Variants in C9orf85 observed in about 807,000 individuals in gnomAD.
C9orf85 encodes the protein chromosome 9 open reading frame 85.
A neutral mutation model predicts 14.9 loss-of-function variants in C9orf85; 16 were observed. The ratio of observed to expected loss-of-function variants is 1.08; its 90% CI spans 0.73 to 1.63. The LOEUF is 1.63. Among genes scored for constraint, C9orf85 ranks in the 40% most tolerant of loss-of-function variants. The pLI is 0.00. For missense variants in C9orf85, 172 were observed against 186.1 expected (o/e 0.92, Z 0.44); for synonymous variants, 45 against 56.8 (o/e 0.79, Z 0.93).
At chr9:71,946,412 TTACA>T (rs1232429592) in intron 1 of C9orf85, among the ~76,000 whole-genome samples, 1 of 152,204 alleles carries the variant, frequency 6.6e-6, no homozygotes, top group Non-Finnish European at 1.5e-5. Flanking sequence ...GAGATATAAC[TTACA>T]TACTATGAAA....
downstream of C9orf85, among the ~76,000 whole-genome samples, chr9:71,975,551 C>T (rs1189217154): frequency 2.6e-5 from 4 of 151,118 alleles, no homozygotes; most frequent in African/African-American, 7.3e-5. Context: ...TGTTCTGTCC[C>T]GCTGGGCGTG....
intron 3 of C9orf85, among the ~76,000 whole-genome samples, chr9:71,971,975 CAA>C (rs1280978130): frequency 1.1e-4 from 6 of 53,278 alleles, no homozygotes; most frequent in South Asian, 6.5e-4. Flanking sequence ...GACTCCATCT[CAA>C]AAAAAAAAAA....
rs192616724 is a variant in C9orf85 at position 71,933,564 on chromosome 9, A to T, written c.103-13442A>T. ...AACCACTCTACAACTTCTCTTTGGCATATCTGAATCGCTAGACTGCTCTTG... is the reference window on the plus strand; with the variant it reads ...AACCACTCTACAACTTCTCTTTGGCTTATCTGAATCGCTAGACTGCTCTTG... On this transcript the variant is annotated intron_variant, in intron 1 of 3. Coordinates refer to ENST00000334731, the MANE Select transcript of C9orf85 (RefSeq NM_182505.5). 5.3e-5 allele frequency among the ~76,000 whole-genome samples: 8 copies of T among 152,308 alleles called. No homozygotes were observed. The East Asian group carries it at 1.5e-3, about 29-fold the overall frequency.
intron 2 of C9orf85, among the ~76,000 whole-genome samples, chr9:71,969,567 TTTTA>T (rs1406016765): frequency 2.2e-4 from 33 of 152,334 alleles, no homozygotes; most frequent in African/African-American, 7.0e-4. Context: ...GCTGCATTGA[TTTTA>T]TTTTTCTGTT....
At chr9:71,955,150 T>C (rs1184003700) in intron 2 of C9orf85, among the ~76,000 whole-genome samples, 7 of 152,106 alleles carry the variant, frequency 4.6e-5, no homozygotes, top group Non-Finnish European at 1.5e-5. Flanking sequence ...ATGGTTAAAT[T>C]CATGATAGTT....
At chr9:71,928,297 A>G (rs970706006) in intron 1 of C9orf85, among the ~76,000 whole-genome samples, 2 of 151,958 alleles carry the variant, frequency 1.3e-5, no homozygotes, top group African/African-American at 4.8e-5. Context: ...AAATTTTTCT[A>G]AAAGCTCACT....
Position 71,972,675 on chromosome 9 carries a change from T to C in C9orf85, c.324-17T>C, listed in dbSNP as rs1328943820. 1.3e-6 allele frequency: 2 copies of C among 1,524,966 alleles called. No individual in the cohort carries two copies. Among genetic ancestry groups the C allele is most frequent in the African/African-American group, 2.8e-5 (2 of 71,664 alleles). The allele number at this position is 1,524,966 out of a possible 1,614,324, so 94.5% of individuals were successfully genotyped here. On this transcript the variant is annotated splice_polypyrimidine_tract_variant and intron_variant, in intron 3 of 3. Coordinates refer to ENST00000334731, the MANE Select transcript of C9orf85 (RefSeq NM_182505.5). ...ATAGCCTGGGAAATAAATAGAAATT[T>C]TTTCTTTCATCTTTAGGTTGAATAA...
chr9:71,942,833 A>C (rs954629655), intron 1 of C9orf85, among the ~76,000 whole-genome samples: 19 of 151,520 alleles, frequency 1.3e-4, no homozygotes, highest in African/African-American at 4.6e-4. Flanking sequence ...AACCTGGGAG[A>C]CAGAGGTTGC....
intron 3 of C9orf85, among the ~76,000 whole-genome samples, chr9:71,972,460 C>T (rs1449930056): frequency 1.3e-5 from 2 of 152,094 alleles, no homozygotes; most frequent in African/African-American, 4.8e-5. Context: ...GGTTTTGCCA[C>T]GTTGGCCAGG....
At chr9:71,946,664 G>A (rs541653751) in intron 1 of C9orf85, among the ~76,000 whole-genome samples, 10 of 151,860 alleles carry the variant, frequency 6.6e-5, no homozygotes, top group Middle Eastern at 3.2e-3. Context: ...ATGGTGGCAC[G>A]CGCCTGTAAT....
chr9:71,957,108 C>T (rs1421055982), intron 2 of C9orf85, among the ~76,000 whole-genome samples: 2 of 151,966 alleles, frequency 1.3e-5, no homozygotes, highest in African/African-American at 2.4e-5. Context: ...GCTACAGCAC[C>T]GGCCAAGACT....
At chr9:71,953,918 G>A (rs933668552) in intron 2 of C9orf85, among the ~76,000 whole-genome samples, 1 of 152,028 alleles carries the variant, frequency 6.6e-6, no homozygotes, top group Non-Finnish European at 1.5e-5. Flanking sequence ...GGGCAACATA[G>A]CAAGACCTCA....
At chr9:71,952,967 GTCC>G (rs1190268918) in intron 2 of C9orf85, among the ~76,000 whole-genome samples, 1 of 152,086 alleles carries the variant, frequency 6.6e-6, no homozygotes, top group East Asian at 1.9e-4. Context: ...AAACAGCACA[GTCC>G]TCAAACAGAT....
chr9:71,963,217 T>C (rs6560242), intron 2 of C9orf85, among the ~76,000 whole-genome samples: 150,838 of 152,328 alleles, frequency 0.99, 74,708 homozygotes, highest in Middle Eastern at 1. Context: ...ACTTTTAGTA[T>C]CCATTATAAA....
At chr9:71,931,281 C>A (rs1007931413) in intron 1 of C9orf85, among the ~76,000 whole-genome samples, 3 of 152,160 alleles carry the variant, frequency 2.0e-5, no homozygotes, top group Non-Finnish European at 4.4e-5. Flanking sequence ...TCTACCATAT[C>A]TTTTCCTGTC....
At chr9:71,954,114 GAAAAA>G (rs566793068) in intron 2 of C9orf85, among the ~76,000 whole-genome samples, 2 of 130,116 alleles carry the variant, frequency 1.5e-5, no homozygotes, top group African/African-American at 5.9e-5. Context: ...CCCCAGCTTG[GAAAAA>G]AAAAAAAAAA....
intron 1 of C9orf85, among the ~76,000 whole-genome samples, chr9:71,946,492 T>C (rs938717823): frequency 1.3e-5 from 2 of 152,078 alleles, no homozygotes; most frequent in African/African-American, 4.8e-5. Context: ...AATGGGAAGG[T>C]TAAAAATTTT....
At chr9:71,976,643 CAG>C (rs1823004231), downstream of C9orf85, among the ~76,000 whole-genome samples, 1 of 144,108 alleles carries the variant, frequency 6.9e-6, no homozygotes, top group Admixed American at 7.2e-5. Context: ...GCCTGGGACA[CAG>C]AGCGAGACTC....
At chr9:71,929,199 C>A (rs1409194662) in intron 1 of C9orf85, among the ~76,000 whole-genome samples, 1 of 152,120 alleles carries the variant, frequency 6.6e-6, no homozygotes, top group East Asian at 1.9e-4. Flanking sequence ...TGGACATTAC[C>A]AATTATTATG....
Sources: gnomAD v4.1 joint callset for allele counts (sites outside exome capture counted in the v4.1 genomes callset) on GRCh38, gnomAD v4.1.1 for gene constraint, MANE v1.5 for transcripts, NCBI Gene and HGNC (gene_info 2026-07-23, HGNC 2026-07-21) for gene names.